Variants in CDH12 observed in about 807,000 individuals in gnomAD.
The protein encoded by CDH12 is cadherin-12.
Under a neutral mutation model 74.1 loss-of-function variants are expected in CDH12, and 41 were observed. The ratio of observed to expected loss-of-function variants is 0.55; its 90% CI spans 0.43 to 0.72. The LOEUF is 0.72. Among genes scored for constraint, CDH12 ranks in the 30% least tolerant of loss-of-function variants. CDH12 has a pLI of 0.00. For missense variants in CDH12, 945 were observed against 977.2 expected (o/e 0.97, Z 0.44); for synonymous variants, 399 against 355.0 (o/e 1.12, Z -1.39).
At chr5:21,830,764 A>G (rs891148400) in intron 8 of CDH12, among the ~76,000 whole-genome samples, 1 of 151,982 alleles carries the variant, frequency 6.6e-6, no homozygotes, top group African/African-American at 2.4e-5. Context: ...GAGGCCAGGT[A>G]TGGTGGCTCA....
chr5:22,075,721 C>A (rs1407906214), intron 5 of CDH12, among the ~76,000 whole-genome samples: 1 of 151,966 alleles, frequency 6.6e-6, no homozygotes, highest in Non-Finnish European at 1.5e-5. Flanking sequence ...TTGGGGGAGT[C>A]AAAAGTTTCA....
chr5:22,583,133 G>A lies in CDH12; in HGVS notation c.-522-77769C>T, dbSNP rs575474695. Among the ~76,000 whole-genome samples the A allele has an allele frequency of 2.0e-5, 3 of 152,260 alleles. No individual in the cohort carries two copies. The South Asian group carries it at 6.2e-4, about 32-fold the overall frequency. On this transcript the variant is annotated intron_variant, in intron 1 of 14. Transcript: ENST00000382254. ...GGAGAATCTTGGTAGTTTGGTAAACGGAAAAGGGGTTCTTACCAAAGTGTT... is the reference window on the plus strand; with the variant it reads ...GGAGAATCTTGGTAGTTTGGTAAACAGAAAAGGGGTTCTTACCAAAGTGTT...
intron 4 of CDH12, among the ~76,000 whole-genome samples, chr5:22,103,005 C>T (rs951282841): frequency 4.6e-5 from 7 of 152,166 alleles, no homozygotes; most frequent in Non-Finnish European, 1.0e-4. Flanking sequence ...TCATTAGGGG[C>T]TCTGCAGTAA....
chr5:21,853,353 C>T (rs10060698), intron 7 of CDH12, among the ~76,000 whole-genome samples: 22,163 of 151,412 alleles, frequency 0.15, 1,917 homozygotes, highest in African/African-American at 0.25. Flanking sequence ...TCTTCAGTAC[C>T]GATACTCCCT....
At chr5:21,855,741 A>G (rs1750724221) in intron 6 of CDH12, among the ~76,000 whole-genome samples, 1 of 151,690 alleles carries the variant, frequency 6.6e-6, no homozygotes, top group African/African-American at 2.4e-5. Context: ...CAAAGTAACT[A>G]TTCTGTTTAG....
chr5:22,413,750 TTATC>T, intron 2 of CDH12, among the ~76,000 whole-genome samples: 1 of 152,042 alleles, frequency 6.6e-6, no homozygotes, highest in South Asian at 2.1e-4. Context: ...TCACATTACT[TTATC>T]AGCTTTCTGC....
At position 22,261,051 on chromosome 5, in the gene CDH12, ATG is replaced by A. The variant is rs541034254; in HGVS notation, c.-332-48410_-332-48409del. Among the ~76,000 whole-genome samples, 719 of 141,692 alleles carry A rather than the reference ATG, an allele frequency of 5.1e-3. 5 individuals carry two copies. Among genetic ancestry groups the A allele is most frequent in the African/African-American group, 0.016 (660 of 40,506 alleles). 93.0% of individuals were successfully genotyped at this position (141,692 alleles called of 152,430 possible). ...ACATACTACCTAAGACTATATATAT[ATG>A]TGTGTGTGTGTGTGTGTGTGTATAT... On this transcript the variant is annotated intron_variant, in intron 3 of 14. Transcript: ENST00000382254.
intron 1 of CDH12, among the ~76,000 whole-genome samples, chr5:22,817,764 A>G (rs1424492209): frequency 6.6e-6 from 1 of 152,168 alleles, no homozygotes; most frequent in East Asian, 1.9e-4. Context: ...GTTAAAAGTA[A>G]ATGGCTTGAT....
intron 4 of CDH12, among the ~76,000 whole-genome samples, chr5:22,114,314 A>AATATATATAT (rs1397163977): frequency 6.6e-6 from 1 of 152,190 alleles, no homozygotes; most frequent in Non-Finnish European, 1.5e-5. Flanking sequence ...ATGATATAAA[A>AATATATATAT]ATATATCATT....
intron 3 of CDH12, among the ~76,000 whole-genome samples, chr5:22,335,871 G>C (rs1030905460): frequency 1.1e-4 from 16 of 152,182 alleles, no homozygotes; most frequent in Non-Finnish European, 1.8e-4. Context: ...GTAGAGGCAA[G>C]CCACTTTGGA....
At chr5:22,117,448 AATATATATAT>A (rs1561128502) in intron 4 of CDH12, among the ~76,000 whole-genome samples, 47 of 89,912 alleles carry the variant, frequency 5.2e-4, no homozygotes, top group Middle Eastern at 4.8e-3. Context: ...ATATATATAT[AATATATATAT>A]TATATATATA....
At chr5:22,051,813 G>A (rs4290984) in intron 5 of CDH12, among the ~76,000 whole-genome samples, 9,822 of 149,736 alleles carry the variant, frequency 0.066, 1,052 homozygotes, top group African/African-American at 0.23. Flanking sequence ...GAGAAAAAAA[G>A]AAAAAGAGCT....
chr5:22,312,412 C>G (rs940520497), intron 3 of CDH12, among the ~76,000 whole-genome samples: 29 of 151,748 alleles, frequency 1.9e-4, no homozygotes, highest in African/African-American at 7.0e-4. Context: ...GTAAATATAC[C>G]CTTTTGGCTT....
At chr5:21,947,512 A>C (rs543343843) in intron 6 of CDH12, among the ~76,000 whole-genome samples, 2 of 152,240 alleles carry the variant, frequency 1.3e-5, no homozygotes, top group African/African-American at 4.8e-5. Context: ...AGAGACTAGA[A>C]GCATTTTGCC....
intron 4 of CDH12, among the ~76,000 whole-genome samples, chr5:22,173,882 A>G (rs1426028418): frequency 6.6e-6 from 1 of 151,926 alleles, no homozygotes; most frequent in African/African-American, 2.4e-5. Flanking sequence ...TTGAGCCTGT[A>G]AAAGCTGATA....
intron 3 of CDH12, among the ~76,000 whole-genome samples, chr5:22,271,934 C>T (rs1465687123): frequency 6.6e-6 from 1 of 151,886 alleles, no homozygotes; most frequent in Non-Finnish European, 1.5e-5. Context: ...TCTTAAGAAC[C>T]CTAGAATTTT....
intron 2 of CDH12, among the ~76,000 whole-genome samples, chr5:22,461,030 C>CTTTTTTTTT (rs34555692): frequency 3.1e-5 from 2 of 63,562 alleles, no homozygotes; most frequent in Non-Finnish European, 2.8e-5. Flanking sequence ...CAATGTCTAG[C>CTTTTTTTTT]TTTTTTTTTT....
At chr5:22,223,400 T>A (rs1752085177) in intron 3 of CDH12, among the ~76,000 whole-genome samples, 1 of 151,958 alleles carries the variant, frequency 6.6e-6, no homozygotes, top group Non-Finnish European at 1.5e-5. Context: ...AAGATGTGTT[T>A]GATTTAGTCT....
At chr5:22,073,615 A>T (rs1270035300) in intron 5 of CDH12, among the ~76,000 whole-genome samples, 1 of 152,164 alleles carries the variant, frequency 6.6e-6, no homozygotes, top group Non-Finnish European at 1.5e-5. Context: ...TATCTAGGTA[A>T]TGTATTAAAT....
Sources: allele counts gnomAD v4.1 joint callset (sites outside exome capture counted in the v4.1 genomes callset), GRCh38; gene constraint gnomAD v4.1.1; transcripts MANE v1.5; gene names NCBI Gene and HGNC (gene_info 2026-07-23, HGNC 2026-07-21).